The following RPTOR variants were observed in gnomAD, a reference collection of about 807,000 sequenced individuals.
RPTOR encodes the protein regulatory-associated protein of mTOR.
A neutral mutation model predicts 169.9 loss-of-function variants in RPTOR; 21 were observed. That is an observed-to-expected ratio of 0.12 (90% confidence interval 0.09 to 0.18). RPTOR has a LOEUF of 0.18. Ranked by LOEUF, RPTOR falls within the 10% of genes least tolerant of loss-of-function variation. The pLI is 1.00. For missense variants in RPTOR, 1,133 were observed against 1,855.9 expected, an observed-to-expected ratio of 0.61 and a Z score of 7.16; for synonymous variants, 732 against 753.2, an observed-to-expected ratio of 0.97 and a Z score of 0.46.
intron 1 of RPTOR, 50 bp from the exon 2 acceptor site, chr17:80,625,641 A>T (rs750100806): frequency 7.3e-7 from 1 of 1,375,280 alleles, no homozygotes; most frequent in Non-Finnish European, 1.0e-6. Flanking sequence ...AAACACATAA[A>T]CGAGTTCCAT....
At position 80,746,037 on chromosome 17, in the gene RPTOR, C is replaced by G. The variant is rs1321015050; in HGVS notation, c.655-7973C>G. 2.0e-5 allele frequency among the ~76,000 whole-genome samples: 3 copies of G among 152,116 alleles called. No individual in the cohort carries two copies. Among genetic ancestry groups the G allele is most frequent in the Non-Finnish European group, 2.9e-5 (2 of 68,012 alleles). ...ATTATCCAGACGTGGTGGCGCATAC[C>G]TGTAATCCCAGCTACTTGAGAGGCT... is the stretch of plus-strand genomic sequence containing the variant. On this transcript the variant is annotated intron_variant, in intron 5 of 33. Transcript: ENST00000306801. This position sits in a 1 kb window ranked among gnomAD's most constrained non-coding sequence, Gnocchi z 4.5.
In RPTOR at chr17:80,855,555, C is replaced by T. The variant is rs771843902; in HGVS notation, c.1398+8C>T. 1 of 1,602,260 alleles carries T rather than the reference C, an allele frequency of 6.2e-7. No homozygotes were observed. The highest frequency in any genetic ancestry group is 1.1e-5 in the South Asian group (1 of 90,826). ...CCCTGGGCAGTGAGCCTGGTGCGTGCCTTCCGCATTAACCTGGGGGCTGAG... is the reference window on the plus strand; with the variant it reads ...CCCTGGGCAGTGAGCCTGGTGCGTGTCTTCCGCATTAACCTGGGGGCTGAG... On this transcript the variant is annotated splice_region_variant and intron_variant, in intron 12 of 33. Transcript: ENST00000306801.
chr17:80,652,031 G>GT (rs1567839893), intron 3 of RPTOR, among the ~76,000 whole-genome samples: 1 of 150,262 alleles, frequency 6.7e-6, no homozygotes, highest in Non-Finnish European at 1.5e-5. Flanking sequence ...TTAGCTGGGC[G>GT]TGGTGGCGGG....
At chr17:80,549,100 G>C (rs1052398982) in intron 1 of RPTOR, among the ~76,000 whole-genome samples, 1 of 151,998 alleles carries the variant, frequency 6.6e-6, no homozygotes, top group Non-Finnish European at 1.5e-5. Context: ...CTCTCAGTTG[G>C]GATTCCTGCC....
chr17:80,953,962 G>A (rs989488840), intron 28 of RPTOR, among the ~76,000 whole-genome samples: 2 of 152,220 alleles, frequency 1.3e-5, no homozygotes, highest in Non-Finnish European at 2.9e-5. Context: ...CTGGGTTCAG[G>A]TGTATCACAG....
At chr17:80,934,360 C>CTTGTT (rs1171897840) in intron 24 of RPTOR, among the ~76,000 whole-genome samples, 2 of 152,106 alleles carry the variant, frequency 1.3e-5, no homozygotes, top group South Asian at 2.1e-4. Context: ...ATGAAGTTTT[C>CTTGTT]TTGTTTTGTT....
chr17:80,590,180 G>T (rs577004670), intron 1 of RPTOR, among the ~76,000 whole-genome samples: 8 of 152,366 alleles, frequency 5.3e-5, no homozygotes, highest in African/African-American at 1.9e-4. Context: ...GGTAAAGTAG[G>T]CATGCAGGTA....
intron 3 of RPTOR, among the ~76,000 whole-genome samples, chr17:80,694,300 C>T (rs1047558204): frequency 5.9e-5 from 9 of 152,190 alleles, no homozygotes; most frequent in East Asian, 3.9e-4. Context: ...CAGGCATGCC[C>T]GGGCATGGCC....
chr17:80,550,368 TC>T (rs1433683115), intron 1 of RPTOR, among the ~76,000 whole-genome samples: 2 of 152,216 alleles, frequency 1.3e-5, no homozygotes, highest in East Asian at 3.8e-4. Context: ...CACTAGTTGT[TC>T]CTTCTCAGAC....
intron 11 of RPTOR, among the ~76,000 whole-genome samples, chr17:80,850,395 C>T (rs557460248): frequency 6.6e-6 from 1 of 152,224 alleles, no homozygotes; most frequent in Non-Finnish European, 1.5e-5. Context: ...CGATTTCATT[C>T]TTTTTCTGGC....
intron 23 of RPTOR, 129 bp downstream of exon 23, chr17:80,923,802 G>T (rs1163953383): frequency 9.7e-7 from 1 of 1,032,762 alleles, no homozygotes; most frequent in Non-Finnish European, 1.4e-6. Flanking sequence ...GCCGTCCTGG[G>T]TCTGTGGGCC....
intron 7 of RPTOR, among the ~76,000 whole-genome samples, chr17:80,800,151 G>A (rs577741466): frequency 3.9e-5 from 6 of 152,280 alleles, no homozygotes; most frequent in Admixed American, 2.6e-4. Context: ...TGGCTTTTGC[G>A]ACCTGGCCTC....
chr17:80,873,000 G>GT (rs1026720082), intron 13 of RPTOR, among the ~76,000 whole-genome samples: 124 of 152,280 alleles, frequency 8.1e-4, no homozygotes, highest in South Asian at 4.1e-4. Flanking sequence ...AGGAGGCCCC[G>GT]GGGGGGACCC....
chr17:80,770,250 A>G (rs55851355), intron 6 of RPTOR, among the ~76,000 whole-genome samples: 41,393 of 151,970 alleles, frequency 0.27, 5,764 homozygotes, highest in African/African-American at 0.33. Flanking sequence ...CCCACTCAGG[A>G]TGGCGGAGCC....
At chr17:80,929,187 G>T (rs757211609) in intron 24 of RPTOR, among the ~76,000 whole-genome samples, 1 of 152,184 alleles carries the variant, frequency 6.6e-6, no homozygotes, top group Non-Finnish European at 1.5e-5. Context: ...TCTTTAAGTT[G>T]TATCTTTCTA....
chr17:80,947,329 C>T lies in RPTOR; in HGVS notation c.3243C>T (p.Cys1081=). Residue 1081 remains cysteine (C), a synonymous_variant, in exon 27 of 34, where the codon TGC becomes TGT. Coordinates refer to ENST00000306801, the MANE Select transcript of RPTOR (RefSeq NM_020761.3). This position sits in a 1 kb window ranked among gnomAD's most constrained non-coding sequence, Gnocchi z 4.4. Reference sequence around the variant, plus strand: ...TGGAGTATCTGAACGGCCAGGACTGCTCGCTTCTGCTGACGGCCACAGGTG... The same window carrying T: ...TGGAGTATCTGAACGGCCAGGACTGTTCGCTTCTGCTGACGGCCACAGGTG... The part of the protein sequence containing the change: ...TAMEYLNGQD[C]SLLLTATDDG... 10 of 1,579,274 alleles carry T rather than the reference C, an allele frequency of 6.3e-6. No homozygotes were observed. Among genetic ancestry groups the T allele is most frequent in the Non-Finnish European group, 8.6e-6 (10 of 1,164,804 alleles).
intron 3 of RPTOR, among the ~76,000 whole-genome samples, chr17:80,687,619 G>A (rs1486923050): frequency 3.3e-5 from 5 of 152,132 alleles, no homozygotes; most frequent in South Asian, 2.1e-4. Context: ...GTTGTACCTC[G>A]GTGTCTGCGT....
chr17:80,565,852 A>C (rs558826706), intron 1 of RPTOR, among the ~76,000 whole-genome samples: 2 of 152,342 alleles, frequency 1.3e-5, no homozygotes, highest in South Asian at 4.1e-4. Flanking sequence ...AACCTTACCA[A>C]ATTCTTTGGG....
chr17:80,570,731 G>C (rs950517686), intron 1 of RPTOR, among the ~76,000 whole-genome samples: 1 of 152,146 alleles, frequency 6.6e-6, no homozygotes, highest in South Asian at 2.1e-4. Flanking sequence ...AAAGTGCTGG[G>C]ATTACAGGCG....
Sources: gnomAD v4.1 joint callset for allele counts (sites outside exome capture counted in the v4.1 genomes callset) on GRCh38, gnomAD v4.1.1 for gene constraint, Gnocchi (gnomAD v3.1) non-coding constraint, MANE v1.5 for transcripts, NCBI Gene and HGNC (gene_info 2026-07-23, HGNC 2026-07-21) for gene names.